Variants in GRIK3 observed in about 807,000 individuals in gnomAD.
GRIK3 encodes the protein glutamate ionotropic receptor kainate type subunit 3.
Under a neutral mutation model 102.5 loss-of-function variants are expected in GRIK3, and 29 were observed. That is an observed-to-expected ratio of 0.28 (90% confidence interval 0.21 to 0.39). The LOEUF is 0.39. GRIK3 is among the 10% of genes least tolerant of loss of function. The pLI, the probability that GRIK3 is intolerant of heterozygous loss-of-function variation, is 1.00. For missense variants in GRIK3, 908 were observed against 1,252.4 expected (o/e 0.73, Z 4.15); for synonymous variants, 511 against 504.9 (o/e 1.01, Z -0.16).
At position 36,910,856 on chromosome 1, in the gene GRIK3, G is replaced by T. The variant is rs559250307; in HGVS notation, c.116-19760C>A. Among the ~76,000 whole-genome samples the T allele has an allele frequency of 1.1e-3, 172 of 152,288 alleles. 1 individual carries two copies. The highest frequency in any genetic ancestry group is 3.9e-3 in the African/African-American group (163 of 41,554). On this transcript the variant is annotated intron_variant, in intron 1 of 15. Coordinates refer to ENST00000373091, the MANE Select transcript of GRIK3 (RefSeq NM_000831.4). ...TCAGTGAGAGATTAGTTTCAGCCCC[G>T]TTCTTCAGGAACTCCTAGCTCAGAA...
chr1:36,833,790 G>C (rs1640340054), intron 10 of GRIK3, among the ~76,000 whole-genome samples: 1 of 152,218 alleles, frequency 6.6e-6, no homozygotes, highest in African/African-American at 2.4e-5. Context: ...ACTGGGGTTG[G>C]GGGACAGCTT....
intron 1 of GRIK3, among the ~76,000 whole-genome samples, chr1:36,917,119 AGAT>A (rs1171939374): frequency 6.6e-6 from 1 of 152,186 alleles, no homozygotes; most frequent in Non-Finnish European, 1.5e-5. Flanking sequence ...GAGTCAAAGG[AGAT>A]CATTTTGGAG....
chr1:36,802,669 C>T (rs193068166), intron 15 of GRIK3, among the ~76,000 whole-genome samples: 41 of 152,260 alleles, frequency 2.7e-4, no homozygotes, highest in Middle Eastern at 3.4e-3. Context: ...ACATCAAGAG[C>T]GCAGCGTTTC....
intron 1 of GRIK3, among the ~76,000 whole-genome samples, chr1:37,029,286 G>C (rs539922872): frequency 2.0e-5 from 3 of 152,244 alleles, no homozygotes; most frequent in Admixed American, 6.5e-5. Flanking sequence ...GCGAGTGCCT[G>C]CTGGGTGCTA....
intron 1 of GRIK3, among the ~76,000 whole-genome samples, chr1:36,984,728 G>A (rs756477607): frequency 6.6e-5 from 10 of 152,186 alleles, no homozygotes; most frequent in Non-Finnish European, 1.5e-4. Flanking sequence ...ATGGCCCTTC[G>A]TCTGCATGGC....
chr1:36,820,610 T>C (rs1337937719), intron 11 of GRIK3, among the ~76,000 whole-genome samples: 3 of 152,200 alleles, frequency 2.0e-5, no homozygotes, highest in African/African-American at 7.2e-5. Flanking sequence ...TTTTTAAAAG[T>C]GAGAACATGC....
intron 1 of GRIK3, among the ~76,000 whole-genome samples, chr1:37,022,993 T>C (rs1642730857): frequency 6.6e-6 from 1 of 152,198 alleles, no homozygotes; most frequent in South Asian, 2.1e-4. Context: ...GGAAAAGACA[T>C]GTTCATTGAA....
chr1:36,927,301 CA>C (rs1369747437), intron 1 of GRIK3, among the ~76,000 whole-genome samples: 1 of 152,196 alleles, frequency 6.6e-6, no homozygotes, highest in Non-Finnish European at 1.5e-5. Context: ...CATCTACCTC[CA>C]GAAGCTGGGG....
chr1:36,866,699 G>A (rs775627430), intron 5 of GRIK3, among the ~76,000 whole-genome samples: 5 of 152,202 alleles, frequency 3.3e-5, no homozygotes, highest in Non-Finnish European at 7.3e-5. Flanking sequence ...GCACAGAGAG[G>A]TTAAGTAACT....
intron 7 of GRIK3, among the ~76,000 whole-genome samples, chr1:36,858,759 G>T (rs1640682921): frequency 6.6e-6 from 1 of 152,190 alleles, no homozygotes; most frequent in South Asian, 2.1e-4. Context: ...TTTCACAGAT[G>T]AGGTGACTGA....
intron 10 of GRIK3, among the ~76,000 whole-genome samples, chr1:36,838,560 T>C (rs1570752867): frequency 6.6e-6 from 1 of 152,146 alleles, no homozygotes; most frequent in African/African-American, 2.4e-5. Flanking sequence ...AGCCACCCCA[T>C]CTTCCTCTGT....
intron 1 of GRIK3, among the ~76,000 whole-genome samples, chr1:36,892,515 C>CAAAA (rs11375993): frequency 7.1e-6 from 1 of 141,028 alleles, no homozygotes; most frequent in East Asian, 2.1e-4. Context: ...ATGACCAGCA[C>CAAAA]AAAAAAAAAA....
intron 13 of GRIK3, among the ~76,000 whole-genome samples, chr1:36,813,023 G>T (rs1402013482): frequency 6.6e-6 from 1 of 152,298 alleles, no homozygotes; most frequent in African/African-American, 2.4e-5. Context: ...CTGGGTATGT[G>T]GTCAACTGAC....
At chr1:37,006,714 G>A (rs1031822746) in intron 1 of GRIK3, among the ~76,000 whole-genome samples, 17 of 152,338 alleles carry the variant, frequency 1.1e-4, no homozygotes, top group African/African-American at 3.8e-4. Context: ...TGCGGGCGCC[G>A]CAGAGTGAGG....
intron 1 of GRIK3, among the ~76,000 whole-genome samples, chr1:37,004,115 TA>T (rs1048485827): frequency 2.0e-5 from 3 of 151,642 alleles, no homozygotes; most frequent in South Asian, 2.1e-4. Flanking sequence ...AGCCACCTTC[TA>T]AAAAAAACCC....
chr1:36,993,768 A>G (rs1021246057), intron 1 of GRIK3, among the ~76,000 whole-genome samples: 1 of 152,186 alleles, frequency 6.6e-6, no homozygotes, highest in Non-Finnish European at 1.5e-5. Flanking sequence ...ACCCAAGGTC[A>G]TGCCTCCTTC....
intron 1 of GRIK3, among the ~76,000 whole-genome samples, chr1:37,004,348 G>A (rs1265419925): frequency 6.6e-6 from 1 of 152,196 alleles, no homozygotes; most frequent in African/African-American, 2.4e-5. Context: ...GCTTTGAAAA[G>A]GATAAAGAAT....
chr1:37,033,412 C>T (rs1340585481), intron 1 of GRIK3, among the ~76,000 whole-genome samples: 1 of 152,188 alleles, frequency 6.6e-6, no homozygotes, highest in Admixed American at 6.5e-5. Flanking sequence ...GCAGCGGGGT[C>T]CTGCTCCCCC....
intron 1 of GRIK3, among the ~76,000 whole-genome samples, chr1:36,961,094 G>A (rs936110021): frequency 3.3e-5 from 5 of 152,190 alleles, no homozygotes; most frequent in African/African-American, 4.8e-5. Context: ...TCCCTGTTTC[G>A]CTGGTTTCTG....
Sources: gnomAD v4.1 joint callset for allele counts (sites outside exome capture counted in the v4.1 genomes callset) on GRCh38, gnomAD v4.1.1 for gene constraint, MANE v1.5 for transcripts, NCBI Gene and HGNC (gene_info 2026-07-23, HGNC 2026-07-21) for gene names.